TENM4: variants seen among roughly 807,000 people sequenced by gnomAD.
The protein encoded by TENM4 is teneurin-4.
In TENM4, 82 loss-of-function variants were observed where a neutral mutation model predicts 243.3. The observed-to-expected ratio is 0.34, with a 90% CI of 0.28 to 0.40. The LOEUF (loss-of-function observed/expected upper bound fraction) is 0.40, where lower values mean the gene tolerates loss of function less well. Ranked by LOEUF, TENM4 falls within the 10% of genes least tolerant of loss-of-function variation. The pLI, the probability that TENM4 is intolerant of heterozygous loss-of-function variation, is 1.00. For synonymous variants in TENM4, 1,412 were observed against 1,456.3 expected, an observed-to-expected ratio of 0.97 and a Z score of 0.69; for missense variants, 3,138 against 3,673.3, an observed-to-expected ratio of 0.85 and a Z score of 3.77.
chr11:78,663,660 GCTTAGTTC>G (rs1425133112), intron 32 of TENM4, among the ~76,000 whole-genome samples: 4 of 152,132 alleles, frequency 2.6e-5, no homozygotes, highest in Non-Finnish European at 4.4e-5. Flanking sequence ...AGAACTGTGA[GCTTAGTTC>G]CTTATAAATT....
intron 10 of TENM4, among the ~76,000 whole-genome samples, 196 bp from the exon 11 acceptor site, chr11:78,856,374 A>C (rs1858682171): frequency 2.0e-5 from 3 of 150,858 alleles, no homozygotes; most frequent in South Asian, 2.1e-4. Flanking sequence ...TTTTCCCCCC[A>C]GCGATGCTCA....
intron 7 of TENM4, among the ~76,000 whole-genome samples, chr11:78,899,564 G>GGA (rs200269867): frequency 0.021 from 2,819 of 134,932 alleles, 320 homozygotes; most frequent in Middle Eastern, 0.043. Context: ...AAAAGCGGGG[G>GGA]GGGGGGGAAA....
At position 79,064,946 on chromosome 11, in the gene TENM4, C is replaced by T. The variant is rs1165077629; in HGVS notation, c.285G>A (p.Leu95=). 4 of 1,506,106 alleles carry T rather than the reference C, an allele frequency of 2.7e-6. No individual in the cohort carries two copies. The highest frequency in any genetic ancestry group is 8.9e-7 in the Non-Finnish European group (1 of 1,120,974). 93.3% of individuals were successfully genotyped at this position (1,506,106 alleles called of 1,614,324 possible). A position where few individuals can be genotyped will look rare whatever the true frequency, so the allele number is the denominator to read the frequency against. The change falls in exon 6 of 34, where the codon CTG becomes CTA. Residue 95 remains leucine, a synonymous_variant. Coordinates refer to ENST00000278550, the MANE Select transcript of TENM4 (RefSeq NM_001098816.3). ...LEEVTPPHGT[L]YRTDIGLPHC... ...GGGGGAGGCCAATGTCTGTCCGGTA[C>T]AGGGTCCCGTGAGGGGGCGTTACTT... is the stretch of plus-strand genomic sequence containing the variant.
At chr11:78,918,164 C>T (rs1323117466) in intron 6 of TENM4, among the ~76,000 whole-genome samples, 1 of 152,122 alleles carries the variant, frequency 6.6e-6, no homozygotes, top group East Asian at 1.9e-4. Flanking sequence ...ACCTGGCATG[C>T]AGTAGGTGTT....
chr11:78,952,369 G>C (rs1181070027), intron 6 of TENM4, among the ~76,000 whole-genome samples: 3 of 152,198 alleles, frequency 2.0e-5, no homozygotes, highest in African/African-American at 7.2e-5. Context: ...GGGCTGCCCT[G>C]CTAAGGATCA....
At chr11:79,111,543 TCAACAACAACAA>T (rs542498523) in intron 4 of TENM4, among the ~76,000 whole-genome samples, 1 of 151,870 alleles carries the variant, frequency 6.6e-6, no homozygotes, top group Non-Finnish European at 1.5e-5. Context: ...AGACTCTGTC[TCAACAACAACAA>T]CAACAACAAC....
chr11:79,038,235 T>C (rs1424751312), intron 6 of TENM4, among the ~76,000 whole-genome samples: 1 of 152,194 alleles, frequency 6.6e-6, no homozygotes, highest in African/African-American at 2.4e-5. Flanking sequence ...CACCTCTAAA[T>C]CAATATCTCC....
chr11:78,824,957 T>C (rs1857818721), intron 12 of TENM4, among the ~76,000 whole-genome samples: 1 of 152,262 alleles, frequency 6.6e-6, no homozygotes, highest in Non-Finnish European at 1.5e-5. Context: ...CTATTTTGGC[T>C]TTGTTAACTG....
chr11:78,966,465 C>T (rs1857439394), intron 6 of TENM4, among the ~76,000 whole-genome samples: 1 of 152,090 alleles, frequency 6.6e-6, no homozygotes, highest in Admixed American at 6.5e-5. Flanking sequence ...CCTAAACACT[C>T]AGTGATTGGG....
intron 12 of TENM4, among the ~76,000 whole-genome samples, chr11:78,830,079 G>A (rs902222782): frequency 6.6e-6 from 1 of 152,250 alleles, no homozygotes; most frequent in African/African-American, 2.4e-5. Flanking sequence ...TATTGGGGCT[G>A]CTGAATCCTC....
intron 4 of TENM4, among the ~76,000 whole-genome samples, chr11:79,083,328 CA>C (rs1860725254): frequency 6.6e-6 from 1 of 152,222 alleles, no homozygotes; most frequent in African/African-American, 2.4e-5. Flanking sequence ...TGGGTGGCTT[CA>C]GCTGGCCACC....
intron 6 of TENM4, among the ~76,000 whole-genome samples, chr11:79,031,103 T>C (rs11828796): frequency 0.37 from 55,879 of 152,014 alleles, 12,623 homozygotes; most frequent in African/African-American, 0.64. Flanking sequence ...CTTGTATCCG[T>C]AGCACCCAGC....
chr11:78,920,904 A>G (rs1447277619), intron 6 of TENM4, among the ~76,000 whole-genome samples: 1 of 152,156 alleles, frequency 6.6e-6, no homozygotes, highest in Admixed American at 6.5e-5. Context: ...TTTCCTCGTA[A>G]GTACATGCTG....
chr11:79,263,435 T>G (rs1349732934), intron 2 of TENM4, among the ~76,000 whole-genome samples: 1 of 152,200 alleles, frequency 6.6e-6, no homozygotes, highest in East Asian at 1.9e-4. Context: ...AATCTACAAT[T>G]CAAATGAGTT....
chr11:79,403,795 C>T (rs1858510915), intron 1 of TENM4, among the ~76,000 whole-genome samples: 1 of 151,552 alleles, frequency 6.6e-6, no homozygotes, highest in Admixed American at 6.6e-5. Context: ...GCTATGAGGC[C>T]AAAAAATCCG....
At chr11:79,236,893 C>T (rs1473984015) in intron 2 of TENM4, among the ~76,000 whole-genome samples, 1 of 152,096 alleles carries the variant, frequency 6.6e-6, no homozygotes, top group East Asian at 1.9e-4. Context: ...TTTATCTGGA[C>T]AGCTGTGGCG....
At chr11:79,412,990 C>T (rs1039007224) in intron 1 of TENM4, among the ~76,000 whole-genome samples, 2 of 152,210 alleles carry the variant, frequency 1.3e-5, no homozygotes, top group African/African-American at 4.8e-5. Context: ...GTGCTAGAGG[C>T]ACCCATGGTG....
chr11:79,390,280 T>C (rs482972), intron 1 of TENM4, among the ~76,000 whole-genome samples: 77,219 of 152,008 alleles, frequency 0.51, 19,728 homozygotes, highest in East Asian at 0.56. Context: ...CATCCCTTCC[T>C]TGTCTTGGGG....
chr11:79,400,134 C>T (rs1176159834), intron 1 of TENM4, among the ~76,000 whole-genome samples: 1 of 151,444 alleles, frequency 6.6e-6, no homozygotes, highest in African/African-American at 2.4e-5. Flanking sequence ...CACACACACA[C>T]ACACACACAC....
Sources: allele counts gnomAD v4.1 joint callset (sites outside exome capture counted in the v4.1 genomes callset), GRCh38; gene constraint gnomAD v4.1.1; transcripts MANE v1.5; gene names NCBI Gene and HGNC (gene_info 2026-07-23, HGNC 2026-07-21).